BICD1: variants seen among roughly 807,000 people sequenced by gnomAD.
BICD1 encodes protein bicaudal D homolog 1.
BICD1 carries 35 observed loss-of-function variants against 92.5 expected under a neutral mutation model. That is an observed-to-expected ratio of 0.38 (90% CI 0.29 to 0.50). BICD1 has a LOEUF of 0.50. Ranked by LOEUF, BICD1 falls within the 20% of genes least tolerant of loss-of-function variation. BICD1 has a pLI of 0.93. For synonymous variants in BICD1, 429 were observed against 465.1 expected (o/e 0.92, Z 1.00); for missense variants, 950 against 1,189.8 (o/e 0.80, Z 2.97).
chr12:32,114,263 C>T (rs555456414), intron 1 of BICD1, among the ~76,000 whole-genome samples: 52 of 152,332 alleles, frequency 3.4e-4, no homozygotes, highest in African/African-American at 1.1e-3. Context: ...CTGCCTTGCC[C>T]TCGTAAAGTG....
chr12:32,300,484 C>G (rs975397115), intron 3 of BICD1, among the ~76,000 whole-genome samples: 1 of 151,800 alleles, frequency 6.6e-6, no homozygotes, highest in Non-Finnish European at 1.5e-5. Flanking sequence ...ACAATGCAAA[C>G]TAAAGTAATG....
rs574110771 is a variant in BICD1, at chr12:32,122,420, C to T, written c.213+14876C>T. 3.0e-3 allele frequency among the ~76,000 whole-genome samples: 448 copies of T among 150,146 alleles called. 2 individuals carry two copies. The highest frequency in any genetic ancestry group is 0.011 in the African/African-American group (435 of 40,770). ...AGGAGAATGGTGTGAACCTGGGAGGCGGAGCTTGCAGTGAGCTGAGATCGC... is the reference window on the plus strand; with the variant it reads ...AGGAGAATGGTGTGAACCTGGGAGGTGGAGCTTGCAGTGAGCTGAGATCGC... On this transcript the variant is annotated intron_variant, in intron 1 of 9. Transcript: ENST00000652176.
intron 8 of BICD1, among the ~76,000 whole-genome samples, chr12:32,361,565 A>T (rs568788644): frequency 1.3e-5 from 2 of 151,792 alleles, no homozygotes; most frequent in Admixed American, 6.6e-5. Flanking sequence ...AAAAAAAAAA[A>T]AAAGAAAGAA....
chr12:32,339,375 A>G, intron 8 of BICD1: 1 of 990,240 alleles, frequency 1.0e-6, no homozygotes, highest in Non-Finnish European at 1.2e-6. Context: ...AGCCATATGT[A>G]TAACAAGGCT....
chr12:32,340,122 T>C, intron 8 of BICD1: 1 of 985,416 alleles, frequency 1.0e-6, no homozygotes, highest in Non-Finnish European at 1.2e-6. Context: ...TAATTCCTTT[T>C]TGCAAACCTC....
chr12:32,359,646 A>G (rs1321538700), intron 8 of BICD1, among the ~76,000 whole-genome samples: 1 of 152,190 alleles, frequency 6.6e-6, no homozygotes, highest in Non-Finnish European at 1.5e-5. Context: ...TTAAGTATCA[A>G]CATGAATTTT....
chr12:32,117,758 A>T (rs12580316), intron 1 of BICD1, among the ~76,000 whole-genome samples: 56,067 of 107,676 alleles, frequency 0.52, 13,407 homozygotes, highest in African/African-American at 0.59. Context: ...ATATATATAT[A>T]TTTTTTTTTA....
intron 1 of BICD1, among the ~76,000 whole-genome samples, chr12:32,210,852 C>G (rs1011171735): frequency 2.0e-5 from 3 of 152,172 alleles, no homozygotes; most frequent in African/African-American, 4.8e-5. Flanking sequence ...GTGATTTCAG[C>G]CAAAGATGCA....
chr12:32,307,599 C>T (rs544793240), intron 4 of BICD1, among the ~76,000 whole-genome samples: 35 of 152,216 alleles, frequency 2.3e-4, no homozygotes, highest in Admixed American at 2.2e-3. Flanking sequence ...TCATGTATAG[C>T]TGATAATTAG....
chr12:32,327,384 T>G, intron 4 of BICD1, 77 bp from the exon 5 acceptor site: 1 of 1,503,202 alleles, frequency 6.7e-7, no homozygotes, highest in South Asian at 1.4e-5. Flanking sequence ...AGTGTATACA[T>G]GCCCGACTGT....
At chr12:32,148,085 T>C (rs1332101981) in intron 1 of BICD1, among the ~76,000 whole-genome samples, 1 of 131,580 alleles carries the variant, frequency 7.6e-6, no homozygotes, top group Non-Finnish European at 1.5e-5. Flanking sequence ...GAGGCTACAG[T>C]GAGCCGTGAT....
At chr12:32,356,920 C>T (rs1939136404) in intron 8 of BICD1, among the ~76,000 whole-genome samples, 1 of 152,120 alleles carries the variant, frequency 6.6e-6, no homozygotes, top group East Asian at 1.9e-4. Flanking sequence ...GTTTAGTTTC[C>T]CCCAGTACCA....
At chr12:32,329,643 C>T (rs1463023241) in intron 5 of BICD1, among the ~76,000 whole-genome samples, 1 of 152,152 alleles carries the variant, frequency 6.6e-6, no homozygotes, top group African/African-American at 2.4e-5. Flanking sequence ...CTACTGACCA[C>T]GTATCTGAAA....
chr12:32,143,084 C>A (rs1031718487), intron 1 of BICD1, among the ~76,000 whole-genome samples: 3 of 152,140 alleles, frequency 2.0e-5, no homozygotes, highest in Non-Finnish European at 2.9e-5. Flanking sequence ...ATTCTTTTAC[C>A]AGACCATCTA....
intron 1 of BICD1, among the ~76,000 whole-genome samples, chr12:32,140,793 C>CT (rs767450358): frequency 0.29 from 43,713 of 151,834 alleles, 6,625 homozygotes; most frequent in African/African-American, 0.38. Flanking sequence ...GTATTACATA[C>CT]TTCGTGTGTG....
intron 1 of BICD1, among the ~76,000 whole-genome samples, chr12:32,136,980 A>G (rs1223693575): frequency 6.6e-6 from 1 of 152,240 alleles, no homozygotes; most frequent in Non-Finnish European, 1.5e-5. Context: ...TTATGGCTCC[A>G]GAAGTGGCCA....
intron 1 of BICD1, among the ~76,000 whole-genome samples, chr12:32,186,006 C>G (rs765908013): frequency 6.6e-6 from 1 of 152,172 alleles, no homozygotes; most frequent in Non-Finnish European, 1.5e-5. Context: ...ACAAACGTGG[C>G]AAAATCCACT....
intron 4 of BICD1, among the ~76,000 whole-genome samples, chr12:32,321,569 G>A (rs1434728992): frequency 6.6e-6 from 1 of 152,170 alleles, no homozygotes; most frequent in Non-Finnish European, 1.5e-5. Flanking sequence ...AGTCACTACA[G>A]AAGATTATAA....
chr12:32,372,242 G>C (rs1040347669), intron 9 of BICD1, among the ~76,000 whole-genome samples: 3 of 152,216 alleles, frequency 2.0e-5, no homozygotes, highest in African/African-American at 7.2e-5. Context: ...CACTTTGGGA[G>C]GCCAAGGTGG....
Sources: allele counts gnomAD v4.1 joint callset (sites outside exome capture counted in the v4.1 genomes callset), GRCh38; gene constraint gnomAD v4.1.1; transcripts MANE v1.5; gene names NCBI Gene and HGNC (gene_info 2026-07-23, HGNC 2026-07-21).